ADCYAP1R1: variants seen among roughly 807,000 people sequenced by gnomAD.
ADCYAP1R1 encodes ADCYAP receptor type I, also known as pituitary adenylate cyclase-activating polypeptide type I receptor.
ADCYAP1R1 carries 44 observed loss-of-function variants against 67.6 expected under a neutral mutation model. The observed-to-expected ratio is 0.65, with a 90% CI of 0.51 to 0.84. ADCYAP1R1 has a LOEUF of 0.84. ADCYAP1R1 is among the 40% of genes least tolerant of loss of function. The pLI is 0.00. For synonymous variants in ADCYAP1R1, 222 were observed against 219.6 expected, an observed-to-expected ratio of 1.01 and a Z score of -0.10; for missense variants, 477 against 587.9, an observed-to-expected ratio of 0.81 and a Z score of 1.95.
chr7:31,106,360 C>G, intron 15 of ADCYAP1R1, 136 bp from the exon 16 acceptor site: 1 of 1,088,962 alleles, frequency 9.2e-7, no homozygotes, highest in South Asian at 1.7e-5. Context: ...CCTTGAGGGC[C>G]GCAGGCTGCA....
At chr7:31,062,895 T>C (rs749098852) in intron 1 of ADCYAP1R1, among the ~76,000 whole-genome samples, 1 of 152,166 alleles carries the variant, frequency 6.6e-6, no homozygotes, top group Non-Finnish European at 1.5e-5. Context: ...ATGCAAAGGT[T>C]TGGGGAGGCA....
intron 12 of ADCYAP1R1, among the ~76,000 whole-genome samples, chr7:31,088,706 T>A (rs979360429): frequency 1.3e-5 from 2 of 152,218 alleles, no homozygotes; most frequent in Non-Finnish European, 2.9e-5. Flanking sequence ...CTTTCTATTC[T>A]GTGTTACTAA....
intron 4 of ADCYAP1R1, among the ~76,000 whole-genome samples, chr7:31,079,869 G>A (rs1292770269): frequency 1.3e-5 from 2 of 152,222 alleles, no homozygotes; most frequent in Admixed American, 1.3e-4. Context: ...TACAGGCAGC[G>A]GAAGTGCTGG....
intron 3 of ADCYAP1R1, among the ~76,000 whole-genome samples, chr7:31,070,154 G>A (rs1052495454): frequency 1.8e-4 from 27 of 152,200 alleles, no homozygotes; most frequent in Admixed American, 1.0e-3. Flanking sequence ...GACAAAGGAC[G>A]CCTGTACCTG....
chr7:31,090,085 T>A lies in ADCYAP1R1; in HGVS notation c.954+2389T>A, dbSNP rs577408650. Among the ~76,000 whole-genome samples, 9 of 152,326 alleles carry A rather than the reference T, an allele frequency of 5.9e-5. No individual in the cohort carries two copies. In the East Asian group the frequency reaches 7.7e-4, roughly 13 times the overall value. On this transcript the variant is annotated intron_variant, in intron 12 of 15. Coordinates refer to ENST00000304166, the MANE Select transcript of ADCYAP1R1 (RefSeq NM_001118.5). ...ACAATTAAGCAGTATGTAAATTACA[T>A]CTTTGTTAATGTTATTCTGGAACTG...
At chr7:31,067,364 C>T (rs572467101) in intron 3 of ADCYAP1R1, among the ~76,000 whole-genome samples, 71 of 152,232 alleles carry the variant, frequency 4.7e-4, no homozygotes, top group African/African-American at 1.6e-3. Context: ...CCAGTTGGAC[C>T]ACCAACTCCA....
At chr7:31,100,650 T>C (rs1318763778) in intron 13 of ADCYAP1R1, among the ~76,000 whole-genome samples, 1 of 152,142 alleles carries the variant, frequency 6.6e-6, no homozygotes, top group Non-Finnish European at 1.5e-5. Flanking sequence ...CAGCATTAAC[T>C]CACTAAATCC....
intron 12 of ADCYAP1R1, among the ~76,000 whole-genome samples, chr7:31,089,150 A>G (rs1795864510): frequency 6.6e-6 from 1 of 151,984 alleles, no homozygotes; most frequent in Admixed American, 6.6e-5. Context: ...CTAATGGGCT[A>G]TTGCTGGTGT....
At chr7:31,065,914 G>A (rs1794717005) in intron 3 of ADCYAP1R1, among the ~76,000 whole-genome samples, 1 of 152,232 alleles carries the variant, frequency 6.6e-6, no homozygotes, top group Non-Finnish European at 1.5e-5. Context: ...TAAATGGAAT[G>A]GTCCCACTGG....
chr7:31,063,277 G>A lies in ADCYAP1R1; in HGVS notation c.13G>A (p.Val5Met), dbSNP rs759359114. MAGV[V>M]HVSLAALLLL... ...GCCAAGAAGTGTCATGGCTGGTGTC[G>A]TGCACGTTTCCCTGGCTGCTCTCCT... Residue 5 changes from valine to methionine, a missense_variant, in exon 2 of 16, where the codon GTG (valine) becomes ATG (methionine). By Grantham distance (21) the Val-to-Met change is conservative (BLOSUM62 1). Coordinates refer to ENST00000304166, the MANE Select transcript of ADCYAP1R1 (RefSeq NM_001118.5). 2.4e-5 allele frequency: 39 copies of A among 1,614,062 alleles called. No homozygotes were observed. Among genetic ancestry groups the A allele is most frequent in the African/African-American group, 2.7e-5 (2 of 74,924 alleles).
In ADCYAP1R1 at chr7:31,084,238, G is replaced by T; in HGVS notation, c.426G>T (p.Glu142Asp). 6.2e-7 allele frequency: 1 copy of T among 1,613,978 alleles called. No individual in the cohort carries two copies. The highest frequency in any genetic ancestry group is 1.1e-5 in the South Asian group (1 of 91,044). ...GTGGGTTTGATGAATATGAATCTGA[G>T]ACTGGGGACCAGGTGAGTGTCTGCA... ...DACGFDEYES[E>D]TGDQDYYYLS... The change falls in exon 7 of 16, where the codon GAG (glutamate) becomes GAT (aspartate). Residue 142 changes from glutamate to aspartate, a missense_variant. Transcript: ENST00000304166.
At chr7:31,094,226 A>T (rs1486653244) in intron 13 of ADCYAP1R1, among the ~76,000 whole-genome samples, 4 of 152,146 alleles carry the variant, frequency 2.6e-5, no homozygotes, top group Non-Finnish European at 5.9e-5. Context: ...TTATTCATCA[A>T]TATAAATCAT....
chr7:31,092,804 C>A, intron 13 of ADCYAP1R1, 69 bp downstream of exon 13: 1 of 1,185,720 alleles, frequency 8.4e-7, no homozygotes, highest in Non-Finnish European at 1.2e-6. Context: ...CAGGTCACAG[C>A]AGAAGGCGGC....
chr7:31,081,409 C>G (rs1795506308), intron 5 of ADCYAP1R1, among the ~76,000 whole-genome samples: 1 of 152,164 alleles, frequency 6.6e-6, no homozygotes, highest in South Asian at 2.1e-4. Context: ...TCTCCCATTC[C>G]TCTCCATTCT....
intron 3 of ADCYAP1R1, among the ~76,000 whole-genome samples, chr7:31,077,195 T>C (rs1298720758): frequency 1.3e-5 from 2 of 152,260 alleles, no homozygotes; most frequent in African/African-American, 4.8e-5. Flanking sequence ...AGGGCCTGGC[T>C]TGTAAGCCGT....
intron 13 of ADCYAP1R1, chr7:31,095,873 T>C (rs1413571143): frequency 3.2e-6 from 2 of 631,808 alleles, no homozygotes; most frequent in East Asian, 5.5e-5. Context: ...ACGGTGGCAC[T>C]GAGCCACTCG....
At chr7:31,064,338 G>A (rs999698359) in intron 2 of ADCYAP1R1, among the ~76,000 whole-genome samples, 8 of 152,142 alleles carry the variant, frequency 5.3e-5, no homozygotes, top group Non-Finnish European at 8.8e-5. Flanking sequence ...TAGTAGCCTC[G>A]TGGCTGCTAG....
At chr7:31,076,617 GCCT>G (rs1171630965) in intron 3 of ADCYAP1R1, among the ~76,000 whole-genome samples, 1 of 152,146 alleles carries the variant, frequency 6.6e-6, no homozygotes, top group Non-Finnish European at 1.5e-5. Flanking sequence ...AGCAATCCCG[GCCT>G]CCACCTCTTC....
At chr7:31,101,245 T>C (rs1253271170) in intron 13 of ADCYAP1R1, among the ~76,000 whole-genome samples, 1 of 152,178 alleles carries the variant, frequency 6.6e-6, no homozygotes, top group Non-Finnish European at 1.5e-5. Flanking sequence ...CATCACTGCA[T>C]CCACCTTGTG....
Sources: allele counts gnomAD v4.1 joint callset (sites outside exome capture counted in the v4.1 genomes callset), GRCh38; gene constraint gnomAD v4.1.1; transcripts MANE v1.5; gene names NCBI Gene and HGNC (gene_info 2026-07-23, HGNC 2026-07-21).